Variants in KAZN observed in about 807,000 individuals in gnomAD.
KAZN encodes the protein kazrin, periplakin interacting protein, also known as kazrin.
A neutral mutation model predicts 87.4 loss-of-function variants in KAZN; 40 were observed. The ratio of observed to expected loss-of-function variants is 0.46; its 90% CI spans 0.36 to 0.60. The LOEUF is 0.60. Ranked by LOEUF, KAZN falls within the 20% of genes least tolerant of loss-of-function variation. KAZN has a pLI of 0.00. For missense variants in KAZN, 898 were observed against 1,073.9 expected, an observed-to-expected ratio of 0.84 and a Z score of 2.29; for synonymous variants, 466 against 458.3, an observed-to-expected ratio of 1.02 and a Z score of -0.22.
intron 2 of KAZN, among the ~76,000 whole-genome samples, chr1:14,565,016 G>GA (rs5772589): frequency 0.43 from 65,763 of 151,654 alleles, 16,798 homozygotes; most frequent in East Asian, 0.62. Flanking sequence ...AAGGAGAAAC[G>GA]AAAAAAATTA....
At chr1:14,407,210 C>G (rs1333489678) in intron 2 of KAZN, among the ~76,000 whole-genome samples, 1 of 152,228 alleles carries the variant, frequency 6.6e-6, no homozygotes, top group Non-Finnish European at 1.5e-5. Flanking sequence ...CTCCTGTGAA[C>G]TCTTGTCCAT....
intron 1 of KAZN, among the ~76,000 whole-genome samples, chr1:14,032,279 T>A (rs566617902): frequency 6.6e-6 from 1 of 152,332 alleles, no homozygotes; most frequent in South Asian, 2.1e-4. Flanking sequence ...AACTTTGACA[T>A]CAACCAACAC....
intron 8 of KAZN, among the ~76,000 whole-genome samples, chr1:15,089,151 A>G (rs1441176655): frequency 2.6e-5 from 4 of 151,862 alleles, no homozygotes; most frequent in Admixed American, 6.6e-5. Context: ...TCTCTCCCCA[A>G]ACCCTCTTCT....
intron 2 of KAZN, among the ~76,000 whole-genome samples, chr1:14,224,857 A>G (rs554258055): frequency 5.3e-5 from 8 of 152,350 alleles, no homozygotes; most frequent in African/African-American, 1.9e-4. Context: ...TTCATAGATA[A>G]TATAACCTAC....
chr1:14,347,719 C>T (rs1208741354), intron 2 of KAZN, among the ~76,000 whole-genome samples: 3 of 151,830 alleles, frequency 2.0e-5, no homozygotes, highest in African/African-American at 7.3e-5. Context: ...TATTATGATA[C>T]CTAGACTATG....
intron 2 of KAZN, among the ~76,000 whole-genome samples, chr1:14,518,667 T>C (rs543901145): frequency 1.3e-5 from 2 of 152,294 alleles, no homozygotes; most frequent in East Asian, 3.9e-4. Context: ...GCTCCTGCCC[T>C]GACATCAAAC....
chr1:14,200,420 A>G (rs575988450), intron 2 of KAZN, among the ~76,000 whole-genome samples: 83 of 152,256 alleles, frequency 5.5e-4, no homozygotes, highest in Admixed American at 1.8e-3. Flanking sequence ...GTAGGGGAAA[A>G]CACTTCCCCA....
chr1:15,017,854 T>A (rs1382185985), intron 2 of KAZN, among the ~76,000 whole-genome samples: 1 of 152,074 alleles, frequency 6.6e-6, no homozygotes, highest in African/African-American at 2.4e-5. Flanking sequence ...GTCACCCCTA[T>A]AAACCATTCT....
chr1:14,200,510 C>T (rs1186795582), intron 2 of KAZN, among the ~76,000 whole-genome samples: 5 of 152,040 alleles, frequency 3.3e-5, no homozygotes, highest in Non-Finnish European at 7.4e-5. Flanking sequence ...TGGAACTACC[C>T]CTAGTCTCCT....
intron 1 of KAZN, among the ~76,000 whole-genome samples, chr1:14,646,010 A>T (rs766647227): frequency 1.3e-5 from 2 of 152,076 alleles, no homozygotes; most frequent in Non-Finnish European, 2.9e-5. Context: ...AAGGTCACAT[A>T]GTCTGTGGTT....
chr1:14,288,193 T>G (rs1284438456), intron 2 of KAZN, among the ~76,000 whole-genome samples: 2 of 152,220 alleles, frequency 1.3e-5, no homozygotes, highest in African/African-American at 2.4e-5. Context: ...GCTGGCCTCA[T>G]AAAATGAGTT....
chr1:14,017,856 C>T (rs930679867), intron 1 of KAZN, among the ~76,000 whole-genome samples: 1 of 152,148 alleles, frequency 6.6e-6, no homozygotes, highest in Non-Finnish European at 1.5e-5. Context: ...TGGCCCAGCC[C>T]CCTCACCAAG....
At chr1:14,340,178 C>CTA (rs1403624062) in intron 2 of KAZN, among the ~76,000 whole-genome samples, 1 of 152,250 alleles carries the variant, frequency 6.6e-6, no homozygotes, top group African/African-American at 2.4e-5. Context: ...TTTCTTGCAT[C>CTA]ATTAAATTGC....
At chr1:13,978,111 G>C (rs532738147) in intron 1 of KAZN, among the ~76,000 whole-genome samples, 63 of 116,748 alleles carry the variant, frequency 5.4e-4, no homozygotes, top group African/African-American at 2.1e-3. Flanking sequence ...CCGGGTGACA[G>C]AGCAAGACTC....
chr1:14,689,437 A>T (rs1379774671), intron 1 of KAZN, among the ~76,000 whole-genome samples: 2 of 152,014 alleles, frequency 1.3e-5, no homozygotes, highest in Non-Finnish European at 2.9e-5. Context: ...CTGCCGGAGG[A>T]TGTTGATGGG....
At chr1:14,129,693 A>G (rs1265583992) in intron 1 of KAZN, among the ~76,000 whole-genome samples, 1 of 151,976 alleles carries the variant, frequency 6.6e-6, no homozygotes, top group Non-Finnish European at 1.5e-5. Flanking sequence ...TCCATTGTCC[A>G]TTTTCCCAGC....
chr1:14,581,534 G>A (rs1675546693), intron 2 of KAZN, among the ~76,000 whole-genome samples: 1 of 152,148 alleles, frequency 6.6e-6, no homozygotes, highest in Admixed American at 6.5e-5. Flanking sequence ...CACACAGCGT[G>A]CCAAAGCATA....
chr1:14,822,757 C>A (rs1404392435), intron 1 of KAZN, among the ~76,000 whole-genome samples: 1 of 152,156 alleles, frequency 6.6e-6, no homozygotes, highest in African/African-American at 2.4e-5. Context: ...TCTTTCCTTC[C>A]CACTCACCTC....
intron 10 of KAZN, among the ~76,000 whole-genome samples, chr1:15,097,688 T>A (rs554893675): frequency 6.6e-6 from 1 of 152,154 alleles, no homozygotes; most frequent in East Asian, 1.9e-4. Flanking sequence ...CGTGGTGGTG[T>A]GTGCCTGTGA....
Sources: gnomAD v4.1 joint callset for allele counts (sites outside exome capture counted in the v4.1 genomes callset) on GRCh38, gnomAD v4.1.1 for gene constraint, MANE v1.5 for transcripts, NCBI Gene and HGNC (gene_info 2026-07-23, HGNC 2026-07-21) for gene names.